The following HTR1F variants were observed in gnomAD, a reference collection of about 807,000 sequenced individuals.
HTR1F encodes 5-hydroxytryptamine receptor 1F, also known as 5-hydroxytryptamine (serotonin) receptor 1F, G protein-coupled.
In HTR1F, 17 loss-of-function variants were observed where a neutral mutation model predicts 24.0. The ratio of observed to expected loss-of-function variants is 0.71; its 90% CI spans 0.48 to 1.06. The LOEUF (loss-of-function observed/expected upper bound fraction) is 1.06. Ranked by LOEUF, HTR1F falls within the 50% of genes least tolerant of loss-of-function variation. HTR1F has a pLI of 0.00. For synonymous variants in HTR1F, 186 were observed against 156.8 expected, an observed-to-expected ratio of 1.19 and a Z score of -1.39; for missense variants, 391 against 427.8, an observed-to-expected ratio of 0.91 and a Z score of 0.76.
At chr3:87,809,121 TTTTA>T (rs1216616883) in intron 1 of HTR1F, among the ~76,000 whole-genome samples, 5 of 151,882 alleles carry the variant, frequency 3.3e-5, no homozygotes, top group African/African-American at 4.8e-5. Flanking sequence ...ATGAATAGAT[TTTTA>T]TTTGATTTTC....
intron 1 of HTR1F, among the ~76,000 whole-genome samples, chr3:87,812,028 C>T (rs1295471892): frequency 1.3e-5 from 2 of 152,142 alleles, no homozygotes; most frequent in African/African-American, 2.4e-5. Flanking sequence ...CATGATTGTG[C>T]GTTTCCTGAG....
chr3:87,924,390 T>G (rs188547354), intron 2 of HTR1F, among the ~76,000 whole-genome samples: 287 of 152,280 alleles, frequency 1.9e-3, no homozygotes, highest in Middle Eastern at 3.4e-3. Context: ...TTATTGCTTA[T>G]CTTTGCAGTT....
intron 2 of HTR1F, among the ~76,000 whole-genome samples, chr3:87,929,784 C>T (rs371797291): frequency 2.9e-4 from 44 of 152,164 alleles, no homozygotes; most frequent in African/African-American, 1.0e-3. Flanking sequence ...GCTATTTGGG[C>T]TCTTTTTGGG....
chr3:87,866,063 C>T (rs533742195), intron 2 of HTR1F, among the ~76,000 whole-genome samples: 1 of 152,120 alleles, frequency 6.6e-6, no homozygotes, highest in Non-Finnish European at 1.5e-5. Flanking sequence ...GTCCTAGCCT[C>T]CTTAACCCAG....
chr3:87,922,443 A>C (rs1704030923), intron 2 of HTR1F, among the ~76,000 whole-genome samples: 1 of 151,606 alleles, frequency 6.6e-6, no homozygotes, highest in Non-Finnish European at 1.5e-5. Context: ...GTCTGCAAAT[A>C]TTTTCTCCCA....
At chr3:87,814,146 G>A (rs1036596555) in intron 1 of HTR1F, among the ~76,000 whole-genome samples, 1 of 152,106 alleles carries the variant, frequency 6.6e-6, no homozygotes, top group Non-Finnish European at 1.5e-5. Context: ...ACGCAATGTG[G>A]TAAAATTGAA....
intron 2 of HTR1F, among the ~76,000 whole-genome samples, chr3:87,927,289 C>G (rs148901698): frequency 6.6e-6 from 1 of 152,122 alleles, no homozygotes; most frequent in Admixed American, 6.6e-5. Flanking sequence ...AAGGGAAAAA[C>G]AATACCCTTA....
chr3:87,884,948 C>T (rs1365563247), intron 2 of HTR1F, among the ~76,000 whole-genome samples: 1 of 152,162 alleles, frequency 6.6e-6, no homozygotes, highest in Non-Finnish European at 1.5e-5. Flanking sequence ...AGAAGGTTAA[C>T]AAGGATATCC....
In HTR1F at chr3:87,886,028, A is replaced by G. The variant is rs1231973955; in HGVS notation, c.-43+63904A>G. 3.9e-5 allele frequency among the ~76,000 whole-genome samples: 6 copies of G among 152,278 alleles called. 1 individual carries two copies. The highest frequency in any genetic ancestry group is 6.8e-3 in the Middle Eastern group (2 of 294). On this transcript the variant is annotated intron_variant, in intron 2 of 2. Transcript: ENST00000319595. ...ATCCTGATACCAAGGCCTGGCAGAG[A>G]CACGACAAAAAAAGACAATTTTAGA...
Position 87,993,561 on chromosome 3 carries a change from C to A in HTR1F, c.*1711C>A, listed in dbSNP as rs944649172. The stretch of plus-strand genomic sequence containing the variant: ...ACATGTCAAATACACAGCACTGGGG[C>A]AAGAAAAATGGAAGAGCACACTCCA... On this transcript the variant is annotated 3_prime_UTR_variant, in exon 3 of 3. Coordinates refer to ENST00000319595, the MANE Select transcript of HTR1F (RefSeq NM_001322209.2). 1.8e-5 allele frequency: 3 copies of A among 166,658 alleles called. No homozygotes were observed. The highest frequency in any genetic ancestry group is 4.8e-5 in the African/African-American group (2 of 41,286). The allele number at this position is 166,658 out of a possible 1,614,324, so 10.3% of individuals were successfully genotyped here. A position where few individuals can be genotyped will look rare whatever the true frequency, so the allele number is the denominator to read the frequency against.
At chr3:87,935,468 A>G (rs1227077361) in intron 2 of HTR1F, among the ~76,000 whole-genome samples, 1 of 151,926 alleles carries the variant, frequency 6.6e-6, no homozygotes, top group Non-Finnish European at 1.5e-5. Context: ...CAAGTGTCTT[A>G]TCCTCATTAA....
At position 87,807,043 on chromosome 3, in the gene HTR1F, A is replaced by G. The variant is rs557960681; in HGVS notation, c.-160+14201A>G. On this transcript the variant is annotated intron_variant, in intron 1 of 2. Transcript: ENST00000319595. ...CTTAGTTACCATAGCCTTGTAATAT[A>G]TTGAGTTTCAAGTAGCGTGGTGTCT... Among the ~76,000 whole-genome samples the G allele has an allele frequency of 5.9e-5, 9 of 152,022 alleles. No individual in the cohort carries two copies. The South Asian group carries it at 1.7e-3, about 28-fold the overall frequency.
chr3:87,904,280 A>G (rs891203352), intron 2 of HTR1F, among the ~76,000 whole-genome samples: 2 of 152,150 alleles, frequency 1.3e-5, no homozygotes, highest in African/African-American at 2.4e-5. Flanking sequence ...ACGAGAGTGT[A>G]AAAAGGTTTA....
intron 2 of HTR1F, among the ~76,000 whole-genome samples, chr3:87,988,823 C>T (rs1576127360): frequency 6.6e-6 from 1 of 151,988 alleles, no homozygotes; most frequent in African/African-American, 2.4e-5. Flanking sequence ...AAGTGATCCC[C>T]CTGCCTCAGC....
At chr3:87,865,807 G>A (rs1397329911) in intron 2 of HTR1F, among the ~76,000 whole-genome samples, 1 of 152,052 alleles carries the variant, frequency 6.6e-6, no homozygotes, top group Non-Finnish European at 1.5e-5. Flanking sequence ...ATAGACTACT[G>A]TGAACATTCT....
At chr3:87,951,997 G>C (rs762193674) in intron 2 of HTR1F, among the ~76,000 whole-genome samples, 1 of 151,954 alleles carries the variant, frequency 6.6e-6, no homozygotes, top group Admixed American at 6.6e-5. Flanking sequence ...TTCATGACTT[G>C]ATAGCTTATT....
At chr3:87,953,921 A>T (rs189006185) in intron 2 of HTR1F, among the ~76,000 whole-genome samples, 61 of 151,954 alleles carry the variant, frequency 4.0e-4, no homozygotes, top group Non-Finnish European at 7.1e-4. Context: ...TGGTAAGTAA[A>T]ATAAGACAGA....
At chr3:87,990,561 A>G in intron 2 of HTR1F, 147 bp from the exon 3 acceptor site, 1 of 504,584 alleles carries the variant, frequency 2.0e-6, no homozygotes, top group Non-Finnish European at 3.4e-6. Flanking sequence ...AAAAAGGAAA[A>G]CTAAAACCTT....
chr3:87,819,311 G>A (rs1433831828), intron 1 of HTR1F, among the ~76,000 whole-genome samples: 2 of 151,514 alleles, frequency 1.3e-5, no homozygotes, highest in Non-Finnish European at 2.9e-5. Context: ...TGTGTTTTTG[G>A]TATACAAATC....
Sources: gnomAD v4.1 joint callset for allele counts (sites outside exome capture counted in the v4.1 genomes callset) on GRCh38, gnomAD v4.1.1 for gene constraint, MANE v1.5 for transcripts, NCBI Gene and HGNC (gene_info 2026-07-23, HGNC 2026-07-21) for gene names.